CSMD1: variants seen among roughly 807,000 people sequenced by gnomAD.
CSMD1 encodes CUB and Sushi multiple domains 1.
CSMD1 carries 213 observed loss-of-function variants against 417.5 expected under a neutral mutation model. That is an observed-to-expected ratio of 0.51 (90% confidence interval 0.46 to 0.57). The LOEUF (loss-of-function observed/expected upper bound fraction) is 0.57, where lower values mean the gene tolerates loss of function less well. CSMD1 is among the 20% of genes least tolerant of loss of function. The pLI is 0.00. For synonymous variants in CSMD1, 2,862 were observed against 1,736.8 expected (o/e 1.65, Z -16.11); for missense variants, 6,923 against 4,529.7 (o/e 1.53, Z -15.17).
intron 33 of CSMD1, among the ~76,000 whole-genome samples, chr8:3,196,097 A>C (rs1279247997): frequency 6.6e-6 from 1 of 152,138 alleles, no homozygotes; most frequent in Non-Finnish European, 1.5e-5. Context: ...AATCCACCAA[A>C]ACCAAGATGG....
intron 5 of CSMD1, among the ~76,000 whole-genome samples, chr8:3,990,096 CAG>C (rs1013454964): frequency 7.2e-5 from 11 of 152,214 alleles, no homozygotes; most frequent in African/African-American, 2.4e-4. Flanking sequence ...CCTCAGAAGG[CAG>C]AGTGTTTTTA....
At chr8:3,076,290 GC>G (rs902958001) in intron 49 of CSMD1, among the ~76,000 whole-genome samples, 1 of 152,158 alleles carries the variant, frequency 6.6e-6, no homozygotes, top group African/African-American at 2.4e-5. Context: ...GCCCCTCTGT[GC>G]ACCTCTGTCT....
chr8:3,776,458 C>T (rs367588124), intron 5 of CSMD1, among the ~76,000 whole-genome samples: 2 of 152,320 alleles, frequency 1.3e-5, no homozygotes, highest in South Asian at 4.1e-4. Flanking sequence ...CCACATTCTA[C>T]TCACACACCT....
intron 4 of CSMD1, among the ~76,000 whole-genome samples, chr8:4,002,467 G>C (rs184302727): frequency 4.1e-4 from 63 of 152,248 alleles, no homozygotes; most frequent in African/African-American, 1.3e-3. Context: ...TTTCCTCTTA[G>C]ATCTATGAAG....
intron 7 of CSMD1, among the ~76,000 whole-genome samples, chr8:3,626,069 G>A (rs954206354): frequency 6.6e-6 from 1 of 152,164 alleles, no homozygotes; most frequent in African/African-American, 2.4e-5. Flanking sequence ...TTTTATAAGA[G>A]CCTGGAGAAT....
intron 25 of CSMD1, among the ~76,000 whole-genome samples, chr8:3,299,906 C>A (rs1237596763): frequency 6.6e-6 from 1 of 152,180 alleles, no homozygotes; most frequent in Non-Finnish European, 1.5e-5. Context: ...GGTATATCTA[C>A]TCCTTTTAGA....
chr8:3,526,545 G>T (rs1203286781), intron 10 of CSMD1, among the ~76,000 whole-genome samples: 2 of 152,188 alleles, frequency 1.3e-5, no homozygotes, highest in Non-Finnish European at 2.9e-5. Context: ...AATGGGAACG[G>T]CCCCAGAGTG....
intron 5 of CSMD1, among the ~76,000 whole-genome samples, chr8:3,851,103 T>C (rs1803876182): frequency 6.6e-6 from 1 of 152,218 alleles, no homozygotes; most frequent in Non-Finnish European, 1.5e-5. Context: ...CTAGATATCA[T>C]TAAAGATGAA....
At chr8:4,090,291 T>G (rs1407438757) in intron 3 of CSMD1, among the ~76,000 whole-genome samples, 1 of 152,202 alleles carries the variant, frequency 6.6e-6, no homozygotes, top group African/African-American at 2.4e-5. Flanking sequence ...TAAGGAAAGT[T>G]AAAGCCACTA....
intron 3 of CSMD1, among the ~76,000 whole-genome samples, chr8:4,169,119 T>C (rs1183862388): frequency 6.6e-6 from 1 of 152,224 alleles, no homozygotes; most frequent in Non-Finnish European, 1.5e-5. Context: ...TTCTCATCCC[T>C]GTAAGCTCAC....
intron 3 of CSMD1, among the ~76,000 whole-genome samples, chr8:4,086,350 T>A (rs897489231): frequency 6.6e-6 from 1 of 152,214 alleles, no homozygotes; most frequent in African/African-American, 2.4e-5. Flanking sequence ...AATTCTTTAA[T>A]ACTGAAACTT....
chr8:4,098,647 G>C (rs999207391), intron 3 of CSMD1, among the ~76,000 whole-genome samples: 1 of 152,086 alleles, frequency 6.6e-6, no homozygotes, highest in African/African-American at 2.4e-5. Context: ...CTACGTATTG[G>C]TGGTTTTTAA....
chr8:4,112,569 C>G (rs1801913994), intron 3 of CSMD1, among the ~76,000 whole-genome samples: 1 of 152,152 alleles, frequency 6.6e-6, no homozygotes, highest in South Asian at 2.1e-4. Flanking sequence ...GTTCCCTCTT[C>G]TGGGGAGGCT....
intron 3 of CSMD1, among the ~76,000 whole-genome samples, chr8:4,264,475 C>T (rs1332784080): frequency 6.6e-6 from 1 of 152,130 alleles, no homozygotes; most frequent in African/African-American, 2.4e-5. Context: ...TCACAATTCT[C>T]TCATCGTTCT....
At chr8:3,593,043 G>T (rs542548430) in intron 8 of CSMD1, among the ~76,000 whole-genome samples, 35 of 152,312 alleles carry the variant, frequency 2.3e-4, no homozygotes, top group Middle Eastern at 3.4e-3. Context: ...GAGGCTGGAA[G>T]CCCTGGCTGG....
At chr8:3,524,027 A>G (rs1439419967) in intron 10 of CSMD1, among the ~76,000 whole-genome samples, 6 of 146,690 alleles carry the variant, frequency 4.1e-5, no homozygotes, top group Admixed American at 2.1e-4. Flanking sequence ...GTGCACACAC[A>G]CACACATGCA....
At chr8:4,936,987 G>A (rs1807663686) in intron 1 of CSMD1, among the ~76,000 whole-genome samples, 1 of 152,160 alleles carries the variant, frequency 6.6e-6, no homozygotes, top group African/African-American at 2.4e-5. Flanking sequence ...AAGGCTGGAG[G>A]ATACCTTGAG....
chr8:4,852,861 C>A (rs1307785822), intron 1 of CSMD1, among the ~76,000 whole-genome samples: 1 of 152,102 alleles, frequency 6.6e-6, no homozygotes, highest in East Asian at 1.9e-4. Flanking sequence ...TAGCAAAGAA[C>A]TTGGTTGCAT....
At chr8:4,477,202 C>G (rs1402904588) in intron 2 of CSMD1, among the ~76,000 whole-genome samples, 1 of 152,102 alleles carries the variant, frequency 6.6e-6, no homozygotes, top group African/African-American at 2.4e-5. Context: ...CAGCTGAGCC[C>G]AGCCCAGGTG....
Sources: allele counts gnomAD v4.1 joint callset (sites outside exome capture counted in the v4.1 genomes callset), GRCh38; gene constraint gnomAD v4.1.1; transcripts MANE v1.5; gene names NCBI Gene and HGNC (gene_info 2026-07-23, HGNC 2026-07-21).